Variants in PPP1CB observed in about 807,000 individuals in gnomAD.
PPP1CB encodes serine/threonine-protein phosphatase PP1-beta catalytic subunit.
PPP1CB carries 2 observed loss-of-function variants against 43.7 expected under a neutral mutation model. The ratio of observed to expected loss-of-function variants is 0.05; its 90% confidence interval spans 0.02 to 0.14. The LOEUF is 0.14. Ranked by LOEUF, PPP1CB falls within the 10% of genes least tolerant of loss-of-function variation. PPP1CB has a pLI of 1.00. For synonymous variants in PPP1CB, 136 were observed against 135.6 expected (o/e 1.00, Z -0.02); for missense variants, 84 against 398.0 (o/e 0.21, Z 6.71).
chr2:28,754,444 C>G (rs1279900025), intron 1 of PPP1CB, among the ~76,000 whole-genome samples: 1 of 152,122 alleles, frequency 6.6e-6, no homozygotes, highest in African/African-American at 2.4e-5. Flanking sequence ...ACCAGCAATC[C>G]TAAGATAAGA....
chr2:28,771,048 C>A (rs1202673024), intron 1 of PPP1CB, among the ~76,000 whole-genome samples: 7 of 99,130 alleles, frequency 7.1e-5, no homozygotes, highest in African/African-American at 2.2e-4. Flanking sequence ...GCTCCCCCCC[C>A]CCCACCCTTT....
chr2:28,752,551 G>C (rs2148450321), intron 1 of PPP1CB, among the ~76,000 whole-genome samples: 1 of 152,338 alleles, frequency 6.6e-6, no homozygotes, highest in East Asian at 1.9e-4. Context: ...CTGCCACTGG[G>C]CTTTGTGCGT....
chr2:28,776,119 C>T (rs1667035014), intron 1 of PPP1CB, among the ~76,000 whole-genome samples: 1 of 151,614 alleles, frequency 6.6e-6, no homozygotes, highest in South Asian at 2.1e-4. Context: ...ATTTAATCTC[C>T]CTTTCTTCAT....
At chr2:28,787,688 G>A (rs1376005778) in intron 5 of PPP1CB, among the ~76,000 whole-genome samples, 2 of 152,136 alleles carry the variant, frequency 1.3e-5, no homozygotes, top group Non-Finnish European at 1.5e-5. Context: ...ACTTTAGGAC[G>A]ATTGTTTCCC....
intron 1 of PPP1CB, among the ~76,000 whole-genome samples, chr2:28,771,960 T>TA (rs994985432): frequency 7.6e-6 from 1 of 131,198 alleles, no homozygotes; most frequent in African/African-American, 3.0e-5. Flanking sequence ...ACAAAAGACT[T>TA]AAAACGAACT....
At chr2:28,764,946 G>C (rs935209844) in intron 1 of PPP1CB, among the ~76,000 whole-genome samples, 1 of 151,942 alleles carries the variant, frequency 6.6e-6, no homozygotes, top group Admixed American at 6.6e-5. Context: ...GAGACACCGT[G>C]CATAGGTGTT....
At position 28,788,639 on chromosome 2, in the gene PPP1CB, G is replaced by C; in HGVS notation, c.593-19G>C. The C allele has an allele frequency of 3.1e-6, 5 of 1,607,476 alleles. No homozygotes were observed. Among genetic ancestry groups the C allele is most frequent in the Non-Finnish European group, 4.2e-6 (5 of 1,177,406 alleles). The stretch of plus-strand genomic sequence containing the variant: ...TCTGTAAATTTTGTTCTTAATTGCT[G>C]TATTTCTGTCCTTTAAAGGTTTGCT... On this transcript the variant is annotated intron_variant, in intron 5 of 7. Coordinates refer to ENST00000395366, the MANE Select transcript of PPP1CB (RefSeq NM_002709.3).
At chr2:28,764,007 A>T (rs577426551) in intron 1 of PPP1CB, among the ~76,000 whole-genome samples, 25 of 151,910 alleles carry the variant, frequency 1.6e-4, no homozygotes, top group African/African-American at 6.0e-4. Flanking sequence ...GGCCCACATT[A>T]ATTATTGTTA....
chr2:28,781,380 T>C (rs1374579835), intron 3 of PPP1CB, among the ~76,000 whole-genome samples: 1 of 152,190 alleles, frequency 6.6e-6, no homozygotes, highest in Non-Finnish European at 1.5e-5. Flanking sequence ...CTTAGCATTT[T>C]ACAAAGATAC....
At chr2:28,788,175 A>G (rs759252811) in intron 5 of PPP1CB, among the ~76,000 whole-genome samples, 11 of 152,206 alleles carry the variant, frequency 7.2e-5, no homozygotes, top group Non-Finnish European at 1.5e-5. Context: ...AAAATGGAGG[A>G]TACTAGCCCT....
intron 3 of PPP1CB, among the ~76,000 whole-genome samples, chr2:28,781,290 TG>T (rs1200685630): frequency 6.6e-6 from 1 of 152,158 alleles, no homozygotes; most frequent in Non-Finnish European, 1.5e-5. Flanking sequence ...CATTGCAGAA[TG>T]GTTAAATCCC....
intron 1 of PPP1CB, among the ~76,000 whole-genome samples, chr2:28,766,262 G>T (rs1375451280): frequency 6.6e-6 from 1 of 152,160 alleles, no homozygotes; most frequent in Non-Finnish European, 1.5e-5. Flanking sequence ...ATCCTGTGTG[G>T]TTGGCCAAAT....
rs773394732 is a variant in PPP1CB at position 28,778,795 on chromosome 2, C to CT, written c.185-11dup. ...GTAACCAATTTTTCTAAAACTGACT[C>CT]TTTCTCTTTTTAGGAGATATTCATG... On this transcript the variant is annotated splice_polypyrimidine_tract_variant and intron_variant, in intron 2 of 7. Transcript: ENST00000395366. 6.5e-7 allele frequency: 1 copy of CT among 1,529,074 alleles called. No individual in the cohort carries two copies. The highest frequency in any genetic ancestry group is 1.4e-5 in the African/African-American group (1 of 72,886). The allele number at this position is 1,529,074 out of a possible 1,614,324, so 94.7% of individuals were successfully genotyped here.
intron 1 of PPP1CB, among the ~76,000 whole-genome samples, chr2:28,752,393 G>A (rs1479836151): frequency 2.0e-5 from 3 of 152,196 alleles, no homozygotes; most frequent in African/African-American, 7.2e-5. Flanking sequence ...GGGGGAGAGG[G>A]GGCCGTTCCC....
intron 6 of PPP1CB, 37 bp downstream of exon 6, chr2:28,788,846 C>T (rs1198697016): frequency 2.6e-6 from 4 of 1,547,740 alleles, no homozygotes; most frequent in Non-Finnish European, 3.5e-6. Context: ...TTTCTTTTTT[C>T]TTTCTTTTTT....
intron 2 of PPP1CB, among the ~76,000 whole-genome samples, chr2:28,777,955 A>G (rs1417181054): frequency 6.6e-6 from 1 of 152,222 alleles, no homozygotes; most frequent in Non-Finnish European, 1.5e-5. Context: ...CAGCTGGCCA[A>G]TAAATGTTTG....
intron 3 of PPP1CB, among the ~76,000 whole-genome samples, chr2:28,780,388 G>A (rs1036326452): frequency 6.6e-6 from 1 of 152,234 alleles, no homozygotes; most frequent in South Asian, 2.1e-4. Flanking sequence ...ACGGCGCCCA[G>A]CCATGAGCTT....
chr2:28,751,907 T>G lies in PPP1CB; in HGVS notation c.-218T>G. 8.9e-6 allele frequency: 5 copies of G among 563,218 alleles called. No individual in the cohort carries two copies. The highest frequency in any genetic ancestry group is 6.8e-5 in the East Asian group (2 of 29,258). 34.9% of individuals were successfully genotyped at this position (563,218 alleles called of 1,614,324 possible). A position where few individuals can be genotyped will look rare whatever the true frequency, so the allele number is the denominator to read the frequency against. ...GCCCTGTTCGAGGGGGCCTCTCTTG[T>G]TTATTTATTTATTTTCCGTGGGTGC... On this transcript the variant is annotated 5_prime_UTR_variant, in exon 1 of 8. Coordinates refer to ENST00000395366, the MANE Select transcript of PPP1CB (RefSeq NM_002709.3).
At chr2:28,776,745 C>A in intron 1 of PPP1CB, 106 bp from the exon 2 acceptor site, 2 of 987,930 alleles carry the variant, frequency 2.0e-6, no homozygotes, top group Non-Finnish European at 3.0e-6. Flanking sequence ...GGGTAATTTG[C>A]TGCCTGTGTG....
Sources: allele counts gnomAD v4.1 joint callset (sites outside exome capture counted in the v4.1 genomes callset), GRCh38; gene constraint gnomAD v4.1.1; transcripts MANE v1.5; gene names NCBI Gene and HGNC (gene_info 2026-07-23, HGNC 2026-07-21).